Variants in KPNA7 observed in about 807,000 individuals in gnomAD.
KPNA7 encodes the protein karyopherin subunit alpha 7, also known as importin subunit alpha-8.
A neutral mutation model predicts 53.7 loss-of-function variants in KPNA7; 54 were observed. The ratio of observed to expected loss-of-function variants is 1.01; its 90% CI spans 0.81 to 1.26. The LOEUF is 1.26. Among genes scored for constraint, KPNA7 ranks in the 50% most tolerant of loss-of-function variants. The probability of loss-of-function intolerance (pLI) is 0.00; values close to 1 mark genes in which losing one functional copy is unlikely to be tolerated. For synonymous variants in KPNA7, 276 were observed against 259.3 expected, an observed-to-expected ratio of 1.06 and a Z score of -0.62; for missense variants, 640 against 644.5, an observed-to-expected ratio of 0.99 and a Z score of 0.07.
intron 7 of KPNA7, among the ~76,000 whole-genome samples, chr7:99,185,999 C>G (rs986816712): frequency 6.6e-6 from 1 of 151,988 alleles, no homozygotes; most frequent in Non-Finnish European, 1.5e-5. Flanking sequence ...CACCATGTTG[C>G]CCAGGCTTGT....
At chr7:99,213,336 G>T (rs1278033174) in intron 1 of KPNA7, among the ~76,000 whole-genome samples, 1 of 150,090 alleles carries the variant, frequency 6.7e-6, no homozygotes, top group African/African-American at 2.5e-5. Context: ...TGCCATGTTG[G>T]CCAGGATGGT....
chr7:99,217,793 G>A (rs1389289534), intron 1 of KPNA7, among the ~76,000 whole-genome samples: 1 of 151,748 alleles, frequency 6.6e-6, no homozygotes, highest in Admixed American at 6.6e-5. Flanking sequence ...ACCACACCCA[G>A]CTAATTTTTG....
At chr7:99,183,239 G>A (rs554189007) in intron 8 of KPNA7, among the ~76,000 whole-genome samples, 8 of 151,522 alleles carry the variant, frequency 5.3e-5, no homozygotes, top group African/African-American at 1.5e-4. Context: ...GTGACAGAGC[G>A]AGACTCCATC....
At chr7:99,192,345 T>G (rs1198461803) in intron 6 of KPNA7, among the ~76,000 whole-genome samples, 1 of 152,176 alleles carries the variant, frequency 6.6e-6, no homozygotes, top group African/African-American at 2.4e-5. Flanking sequence ...GAAGGATCAG[T>G]GCTACTGGCC....
intron 9 of KPNA7, among the ~76,000 whole-genome samples, chr7:99,180,507 C>CTCTG (rs1799120883): frequency 6.7e-6 from 1 of 149,042 alleles, no homozygotes; most frequent in Non-Finnish European, 1.5e-5. Flanking sequence ...CTGTCTGTCT[C>CTCTG]TCTCTCTCTG....
At chr7:99,196,849 T>A (rs1165282862) in intron 3 of KPNA7, among the ~76,000 whole-genome samples, 2 of 152,190 alleles carry the variant, frequency 1.3e-5, no homozygotes, top group Non-Finnish European at 2.9e-5. Context: ...CTATTTTGAC[T>A]CAGAGCTTAG....
At position 99,182,015 on chromosome 7, in the gene KPNA7, T is replaced by C. The variant is rs370349487; in HGVS notation, c.1185A>G (p.Ala395=). 6.5e-7 allele frequency: 1 copy of C among 1,548,890 alleles called. No individual in the cohort carries two copies. Among genetic ancestry groups the C allele is most frequent in the African/African-American group, 1.4e-5 (1 of 72,974 alleles). ...KEAVWMVANF[A]TGATMDQLIQ... is the part of the protein sequence containing the mutation. ...TCAGCTGATCCATGGTGGCCCCTGT[T>C]GCAAAGTTCGCCACCATCCAGACAG... Residue 395 remains alanine, a synonymous_variant, in exon 9 of 11, where the codon GCA becomes GCG. Transcript: ENST00000327442.
the KPNA7 span, among the ~76,000 whole-genome samples, chr7:99,168,373 A>AG: frequency 1.3e-5 from 2 of 152,200 alleles, no homozygotes; most frequent in South Asian, 2.1e-4. Context: ...ATGTGGGAAT[A>AG]GGGGGGTTAG....
chr7:99,196,155 AG>A lies in KPNA7; in HGVS notation c.212del (p.Thr71IlefsTer5). ...TCACACCTTTGATTATTTCACCCAG[AG>A]TGAGGCTGACCTGCAAGAAGAGACA... ...KTAKGVAVSL[T>X]LGEIIKGVNS... On this transcript the variant is annotated frameshift_variant, in exon 4 of 11. Coordinates refer to ENST00000327442, the MANE Select transcript of KPNA7 (RefSeq NM_001145715.3). LOFTEE classifies it high-confidence loss of function. The A allele has an allele frequency of 6.4e-7, 1 of 1,551,578 alleles. No individual in the cohort carries two copies. The highest frequency in any genetic ancestry group is 8.7e-7 in the Non-Finnish European group (1 of 1,146,802).
At chr7:99,184,665 A>G (rs1214914020) in intron 8 of KPNA7, among the ~76,000 whole-genome samples, 1 of 152,180 alleles carries the variant, frequency 6.6e-6, no homozygotes, top group African/African-American at 2.4e-5. Flanking sequence ...GCCAATATTT[A>G]CTAGCTCAAG....
intron 10 of KPNA7, among the ~76,000 whole-genome samples, 196 bp from the exon 11 acceptor site, chr7:99,173,990 C>T (rs997376527): frequency 6.6e-6 from 1 of 152,210 alleles, no homozygotes; most frequent in Non-Finnish European, 1.5e-5. Context: ...TCATCTTGCA[C>T]AACTGAAGCT....
chr7:99,182,911 A>G (rs1267922773), intron 8 of KPNA7, among the ~76,000 whole-genome samples: 1 of 152,136 alleles, frequency 6.6e-6, no homozygotes, highest in East Asian at 1.9e-4. Flanking sequence ...GGGTACACAG[A>G]TACAACCTAA....
the KPNA7 span, among the ~76,000 whole-genome samples, chr7:99,162,726 G>A: frequency 6.6e-6 from 1 of 152,210 alleles, no homozygotes; most frequent in South Asian, 2.1e-4. Flanking sequence ...AAGCTCAACA[G>A]GGCTTCCAGC....
At chr7:99,159,637 C>T in the KPNA7 span, among the ~76,000 whole-genome samples, 1 of 152,130 alleles carries the variant, frequency 6.6e-6, no homozygotes, top group Non-Finnish European at 1.5e-5. Flanking sequence ...CATCACATCA[C>T]TTCATCTATG....
At chr7:99,167,270 G>A in the KPNA7 span, among the ~76,000 whole-genome samples, 4 of 152,186 alleles carry the variant, frequency 2.6e-5, no homozygotes, top group African/African-American at 9.6e-5. Flanking sequence ...TTCAGGGCCA[G>A]CCTTGCCTTA....
intron 3 of KPNA7, among the ~76,000 whole-genome samples, chr7:99,202,507 C>T (rs1790590906): frequency 1.3e-5 from 2 of 152,052 alleles, no homozygotes; most frequent in South Asian, 2.1e-4. Context: ...CTCATTTCCT[C>T]GGTTTTCAGG....
rs1407787535 is a variant in KPNA7, at chr7:99,178,033, ACAGGTTTTCCTTCT to A, written c.1337_1350del (p.Glu446ValfsTer12). 7.1e-6 allele frequency: 11 copies of A among 1,551,692 alleles called. No individual in the cohort carries two copies. The highest frequency in any genetic ancestry group is 1.2e-5 in the South Asian group (1 of 84,056). ...CCACCAAGTTCTTCTATCAGAAGAC[ACAGGTTTTCCTTCT>A]CAGACCGTTTCTCTGCCGCCTGTGA... On this transcript the variant is annotated frameshift_variant, in exon 10 of 11. Transcript: ENST00000327442. LOFTEE classifies it high-confidence loss of function.
Position 99,184,789 on chromosome 7 carries a change from G to A in KPNA7, c.1134+140C>T, listed in dbSNP as rs1338926493. ...GGAACGCCCCCTTCCTTTTTTTCAGGCAAAGCTAGGACTCTGAGGTTTCAG... is the reference window on the plus strand; with the variant it reads ...GGAACGCCCCCTTCCTTTTTTTCAGACAAAGCTAGGACTCTGAGGTTTCAG... On this transcript the variant is annotated intron_variant, in intron 8 of 10. Transcript: ENST00000327442. 4.2e-6 allele frequency: 3 copies of A among 710,986 alleles called. No individual in the cohort carries two copies. In the Admixed American group the frequency reaches 8.4e-5, roughly 20 times the overall value. 44.0% of individuals were successfully genotyped at this position (710,986 alleles called of 1,614,324 possible).
the KPNA7 span, among the ~76,000 whole-genome samples, chr7:99,151,541 CCTGGGCTTG>C: frequency 6.6e-6 from 1 of 151,392 alleles, no homozygotes; most frequent in East Asian, 1.9e-4. Flanking sequence ...GTCTCCACTT[CCTGGGCTTG>C]ACTGATCCTC....
Sources: gnomAD v4.1 joint callset for allele counts (sites outside exome capture counted in the v4.1 genomes callset) on GRCh38, gnomAD v4.1.1 for gene constraint, MANE v1.5 for transcripts, NCBI Gene and HGNC (gene_info 2026-07-23, HGNC 2026-07-21) for gene names.